The following CSMD1 variants were observed in gnomAD, a reference collection of about 807,000 sequenced individuals.
CSMD1 encodes the protein CUB and sushi domain-containing protein 1.
A neutral mutation model predicts 417.5 loss-of-function variants in CSMD1; 213 were observed. The observed-to-expected ratio is 0.51, with a 90% CI of 0.46 to 0.57. The LOEUF (loss-of-function observed/expected upper bound fraction) is 0.57. Ranked by LOEUF, CSMD1 falls within the 20% of genes least tolerant of loss-of-function variation. CSMD1 has a pLI of 0.00. For missense variants in CSMD1, 6,923 were observed against 4,529.7 expected, an observed-to-expected ratio of 1.53 and a Z score of -15.17; for synonymous variants, 2,862 against 1,736.8, an observed-to-expected ratio of 1.65 and a Z score of -16.11.
chr8:4,552,696 C>G (rs1362050286), intron 2 of CSMD1, among the ~76,000 whole-genome samples: 1 of 152,082 alleles, frequency 6.6e-6, no homozygotes, highest in Non-Finnish European at 1.5e-5. Flanking sequence ...GTCTATTACC[C>G]CATCACAAGA....
At chr8:3,938,151 C>A (rs1234657487) in intron 5 of CSMD1, among the ~76,000 whole-genome samples, 3 of 151,964 alleles carry the variant, frequency 2.0e-5, no homozygotes, top group Non-Finnish European at 4.4e-5. Flanking sequence ...TTATTAATTT[C>A]TGGTAATTGT....
intron 63 of CSMD1, among the ~76,000 whole-genome samples, chr8:2,956,632 T>G (rs1803029811): frequency 6.6e-6 from 1 of 151,778 alleles, no homozygotes. Flanking sequence ...TTTTTGTAGT[T>G]TTTTTAGTAG....
At chr8:3,121,529 C>A (rs937699359) in intron 41 of CSMD1, among the ~76,000 whole-genome samples, 1 of 152,154 alleles carries the variant, frequency 6.6e-6, no homozygotes, top group South Asian at 2.1e-4. Context: ...TGGAGGGAAG[C>A]GCTGGGCAGC....
intron 1 of CSMD1, among the ~76,000 whole-genome samples, chr8:4,710,130 G>A (rs1443424420): frequency 6.6e-6 from 1 of 151,992 alleles, no homozygotes; most frequent in Non-Finnish European, 1.5e-5. Context: ...TCGCCTGGAG[G>A]TTATTCTAAG....
chr8:4,795,335 G>A (rs1415455806), intron 1 of CSMD1, among the ~76,000 whole-genome samples: 1 of 123,350 alleles, frequency 8.1e-6, no homozygotes, highest in South Asian at 2.8e-4. Context: ...GCAGTGACAC[G>A]ATCTTGGCTC....
At chr8:4,488,801 C>G (rs1013787238) in intron 2 of CSMD1, among the ~76,000 whole-genome samples, 3 of 152,152 alleles carry the variant, frequency 2.0e-5, no homozygotes, top group Admixed American at 6.5e-5. Context: ...TACTCTATGT[C>G]CATATTTCCT....
At chr8:4,503,652 G>T (rs116053337) in intron 2 of CSMD1, among the ~76,000 whole-genome samples, 1 of 152,056 alleles carries the variant, frequency 6.6e-6, no homozygotes, top group Non-Finnish European at 1.5e-5. Flanking sequence ...CCCAACACAT[G>T]ATTTTTTGCT....
intron 25 of CSMD1, among the ~76,000 whole-genome samples, chr8:3,297,076 A>C (rs1186626716): frequency 2.0e-5 from 3 of 152,252 alleles, no homozygotes; most frequent in Non-Finnish European, 4.4e-5. Context: ...TATGTTTGCC[A>C]TTAAGCAGAA....
chr8:4,425,256 G>A (rs1797481726), intron 2 of CSMD1, among the ~76,000 whole-genome samples: 1 of 151,792 alleles, frequency 6.6e-6, no homozygotes. Context: ...TTTAAAACGA[G>A]TGTCATAAGA....
At chr8:4,795,702 G>A (rs1309659082) in intron 1 of CSMD1, among the ~76,000 whole-genome samples, 1 of 152,108 alleles carries the variant, frequency 6.6e-6, no homozygotes, top group African/African-American at 2.4e-5. Context: ...GGGATCCGCA[G>A]ATCCAGGCGG....
intron 2 of CSMD1, among the ~76,000 whole-genome samples, chr8:4,625,416 C>T (rs1474017401): frequency 6.6e-6 from 1 of 152,032 alleles, no homozygotes; most frequent in Non-Finnish European, 1.5e-5. Flanking sequence ...GAAGCAGTCG[C>T]CTCTTTGAGA....
intron 1 of CSMD1, among the ~76,000 whole-genome samples, chr8:4,652,961 CA>C (rs1278161971): frequency 3.3e-5 from 5 of 152,030 alleles, no homozygotes; most frequent in Non-Finnish European, 5.9e-5. Flanking sequence ...GCTGGAAATA[CA>C]AGCAAAGCTT....
At chr8:3,493,805 T>C (rs1251255074) in intron 10 of CSMD1, 79 bp from the exon 11 acceptor site, 2 of 1,235,040 alleles carry the variant, frequency 1.6e-6, no homozygotes, top group Admixed American at 2.1e-5. Flanking sequence ...AAATATCTAG[T>C]TATACTGTTA....
At chr8:3,233,456 T>C (rs1165557613) in intron 26 of CSMD1, among the ~76,000 whole-genome samples, 9 of 152,220 alleles carry the variant, frequency 5.9e-5, no homozygotes, top group Admixed American at 5.9e-4. Flanking sequence ...ATATTTATTT[T>C]CTTTATAAAT....
intron 8 of CSMD1, chr8:3,613,304 T>A: frequency 2.4e-6 from 1 of 421,148 alleles, no homozygotes; most frequent in Non-Finnish European, 4.7e-6. Context: ...CAATTCCAGG[T>A]AGCTTCCCTG....
chr8:4,722,571 G>A (rs575273258), intron 1 of CSMD1, among the ~76,000 whole-genome samples: 21 of 152,220 alleles, frequency 1.4e-4, no homozygotes, highest in Admixed American at 2.6e-4. Context: ...CAGATAGTTA[G>A]GAATGTCTGT....
rs565356496 is a variant in CSMD1, at chr8:3,875,980, C to A, written c.818+121923G>T. ...GGAGTAACTGTAAAATTGCGAAGGGCCACATGTCTTACATTTCTTCCTACA... is the reference window on the plus strand; with the variant it reads ...GGAGTAACTGTAAAATTGCGAAGGGACACATGTCTTACATTTCTTCCTACA... On this transcript the variant is annotated intron_variant, in intron 5 of 69. Transcript: ENST00000635120. Among the ~76,000 whole-genome samples the A allele has an allele frequency of 2.7e-3, 413 of 150,722 alleles. 2 individuals carry two copies. The highest frequency in any genetic ancestry group is 2.7e-3 in the Non-Finnish European group (185 of 67,992).
chr8:3,125,021 C>T (rs754092528), intron 41 of CSMD1, among the ~76,000 whole-genome samples: 1 of 152,150 alleles, frequency 6.6e-6, no homozygotes, highest in Non-Finnish European at 1.5e-5. Flanking sequence ...AATATTAATA[C>T]CGATATTCCC....
intron 3 of CSMD1, among the ~76,000 whole-genome samples, chr8:4,321,298 G>T (rs144688572): frequency 6.6e-6 from 1 of 152,210 alleles, no homozygotes. Flanking sequence ...AGCTGACCCA[G>T]TCTCTTGCCT....
Sources: allele counts gnomAD v4.1 joint callset (sites outside exome capture counted in the v4.1 genomes callset), GRCh38; gene constraint gnomAD v4.1.1; transcripts MANE v1.5; gene names NCBI Gene and HGNC (gene_info 2026-07-23, HGNC 2026-07-21).